Variants in TFDP2 observed in about 807,000 individuals in gnomAD.
TFDP2 encodes the protein transcription factor Dp-2, also known as transcription factor Dp-2 (E2F dimerization partner 2).
A neutral mutation model predicts 59.3 loss-of-function variants in TFDP2; 17 were observed. That is an observed-to-expected ratio of 0.29 (90% confidence interval 0.20 to 0.43). TFDP2 has a LOEUF of 0.43. Among genes scored for constraint, TFDP2 ranks in the 20% least tolerant of loss-of-function variants. The pLI is 1.00. For missense variants in TFDP2, 391 were observed against 528.8 expected, an observed-to-expected ratio of 0.74 and a Z score of 2.56; for synonymous variants, 180 against 194.7, an observed-to-expected ratio of 0.92 and a Z score of 0.63.
At chr3:142,001,069 C>T (rs1943719383) in intron 4 of TFDP2, among the ~76,000 whole-genome samples, 1 of 152,232 alleles carries the variant, frequency 6.6e-6, no homozygotes, top group Non-Finnish European at 1.5e-5. Flanking sequence ...CAACCCCGCG[C>T]ACCTCAGCTC....
At chr3:142,095,097 TCTC>T (rs1375711501) in intron 2 of TFDP2, among the ~76,000 whole-genome samples, 1 of 151,924 alleles carries the variant, frequency 6.6e-6, no homozygotes, top group East Asian at 1.9e-4. Context: ...TTCAAGCAAT[TCTC>T]CTGCCTCAAC....
chr3:141,986,103 C>T (rs180700347), intron 6 of TFDP2, among the ~76,000 whole-genome samples: 28 of 152,270 alleles, frequency 1.8e-4, no homozygotes, highest in Non-Finnish European at 3.5e-4. Flanking sequence ...ACTCCTTAGT[C>T]TGAGCTTAGT....
At chr3:142,106,517 C>A (rs1441950861) in intron 1 of TFDP2, among the ~76,000 whole-genome samples, 1 of 152,136 alleles carries the variant, frequency 6.6e-6, no homozygotes, top group Non-Finnish European at 1.5e-5. Flanking sequence ...TCCAAAGTGT[C>A]TAGAAATTAA....
intron 10 of TFDP2, among the ~76,000 whole-genome samples, 167 bp from the exon 11 acceptor site, chr3:141,960,007 C>T (rs1221378636): frequency 1.3e-5 from 2 of 152,158 alleles, no homozygotes; most frequent in Non-Finnish European, 2.9e-5. Flanking sequence ...AGGGGAATGA[C>T]ATCTCAAATA....
intron 1 of TFDP2, among the ~76,000 whole-genome samples, chr3:142,146,082 A>G (rs1250928144): frequency 6.6e-6 from 1 of 152,216 alleles, no homozygotes; most frequent in Non-Finnish European, 1.5e-5. Flanking sequence ...AATTTGCATG[A>G]AAGCAATGCC....
intron 3 of TFDP2, among the ~76,000 whole-genome samples, chr3:142,092,146 TA>T: frequency 2.0e-5 from 3 of 152,214 alleles, no homozygotes; most frequent in Non-Finnish European, 4.4e-5. Flanking sequence ...GTTTTATCTA[TA>T]ATACCACCCA....
chr3:142,132,619 C>T (rs1319939122), intron 1 of TFDP2, among the ~76,000 whole-genome samples: 1 of 148,686 alleles, frequency 6.7e-6, no homozygotes, highest in Non-Finnish European at 1.5e-5. Context: ...GTGGTAAGCG[C>T]CTGTAGTTCC....
At chr3:142,066,646 C>T (rs1427113666) in intron 3 of TFDP2, among the ~76,000 whole-genome samples, 3 of 152,232 alleles carry the variant, frequency 2.0e-5, no homozygotes, top group African/African-American at 2.4e-5. Context: ...GTCAAACCAT[C>T]GTTAAGTTGG....
chr3:142,031,551 G>C (rs1176330473), intron 3 of TFDP2, among the ~76,000 whole-genome samples: 1 of 152,164 alleles, frequency 6.6e-6, no homozygotes, highest in Non-Finnish European at 1.5e-5. Context: ...ACAGTGTGGG[G>C]AAAGTAATAA....
chr3:141,988,043 C>T (rs1032059525), intron 6 of TFDP2, among the ~76,000 whole-genome samples: 5 of 152,078 alleles, frequency 3.3e-5, no homozygotes, highest in Admixed American at 6.5e-5. Context: ...ACCTCCTATA[C>T]TCAGCGATCC....
At chr3:142,039,353 A>G (rs1475723207) in intron 3 of TFDP2, among the ~76,000 whole-genome samples, 2 of 151,948 alleles carry the variant, frequency 1.3e-5, no homozygotes, top group East Asian at 3.9e-4. Flanking sequence ...GCTATTGGCT[A>G]TGTTTTGTTC....
chr3:141,986,056 G>A (rs900964205), intron 6 of TFDP2, among the ~76,000 whole-genome samples: 3 of 152,142 alleles, frequency 2.0e-5, no homozygotes, highest in Admixed American at 6.5e-5. Context: ...TACTCAAAAG[G>A]GCTAAACAAA....
intron 6 of TFDP2, among the ~76,000 whole-genome samples, chr3:141,979,061 T>C (rs1219053650): frequency 6.6e-6 from 1 of 152,192 alleles, no homozygotes; most frequent in African/African-American, 2.4e-5. Flanking sequence ...TTACTGAAAT[T>C]AAAACTATAG....
At chr3:142,075,168 C>T (rs886083192) in intron 3 of TFDP2, among the ~76,000 whole-genome samples, 4 of 152,038 alleles carry the variant, frequency 2.6e-5, no homozygotes, top group African/African-American at 7.2e-5. Context: ...ATGACAGATA[C>T]GAAAAGCACA....
intron 3 of TFDP2, among the ~76,000 whole-genome samples, chr3:142,062,302 C>T (rs1252637350): frequency 3.3e-5 from 5 of 151,416 alleles, no homozygotes; most frequent in Non-Finnish European, 5.9e-5. Flanking sequence ...TAAAATTATA[C>T]ACAGATTTTT....
At chr3:142,052,132 A>G (rs543549460) in intron 3 of TFDP2, among the ~76,000 whole-genome samples, 19 of 152,324 alleles carry the variant, frequency 1.2e-4, no homozygotes, top group African/African-American at 1.2e-4. Flanking sequence ...CACAAAAAAC[A>G]AAACTTACCA....
intron 3 of TFDP2, among the ~76,000 whole-genome samples, chr3:142,047,110 G>C (rs1485782780): frequency 1.3e-5 from 2 of 152,134 alleles, no homozygotes; most frequent in Admixed American, 1.3e-4. Flanking sequence ...TTCTCTCAAG[G>C]ATCTCTAATC....
chr3:142,043,693 T>TCA (rs1947149426), intron 3 of TFDP2: 1 of 1,093,836 alleles, frequency 9.1e-7, no homozygotes, highest in African/African-American at 1.5e-5. Context: ...CAGGCGTTCT[T>TCA]CACCGTGCTT....
Position 142,045,788 on chromosome 3 carries a change from C to CTTT in TFDP2, c.83-40247_83-40245dup, listed in dbSNP as rs953589461. Among the ~76,000 whole-genome samples the CTTT allele has an allele frequency of 5.0e-5, 7 of 139,484 alleles. No homozygotes were observed. In the Admixed American group the frequency reaches 5.1e-4, roughly 10 times the overall value. The allele number at this position is 139,484 out of a possible 152,430, so 91.5% of individuals were successfully genotyped here. A position where few individuals can be genotyped will look rare whatever the true frequency, so the allele number is the denominator to read the frequency against. ...CCACCATGCCTGGCTAATTTTTGTA[C>CTTT]TTTTTTTTTTTTTTAGTAGGGATGG... On this transcript the variant is annotated intron_variant, in intron 3 of 12. Transcript: ENST00000489671.
Sources: allele counts gnomAD v4.1 joint callset (sites outside exome capture counted in the v4.1 genomes callset), GRCh38; gene constraint gnomAD v4.1.1; transcripts MANE v1.5; gene names NCBI Gene and HGNC (gene_info 2026-07-23, HGNC 2026-07-21).